Variants in MAD1L1 observed in about 807,000 individuals in gnomAD.
MAD1L1 encodes the protein mitotic arrest deficient 1 like 1, also known as mitotic spindle assembly checkpoint protein MAD1.
MAD1L1 carries 95 observed loss-of-function variants against 96.9 expected under a neutral mutation model. That is an observed-to-expected ratio of 0.98 (90% CI 0.83 to 1.16). The LOEUF is 1.16. Among genes scored for constraint, MAD1L1 ranks in the 50% most tolerant of loss-of-function variants. The probability of loss-of-function intolerance (pLI) is 0.00; values close to 1 mark genes in which losing one functional copy is unlikely to be tolerated. For missense variants in MAD1L1, 1,007 were observed against 954.4 expected (o/e 1.06, Z -0.73); for synonymous variants, 473 against 396.6 (o/e 1.19, Z -2.29).
In MAD1L1 at chr7:1,890,842, C is replaced by A. The variant is rs552617109; in HGVS notation, c.1998+7358G>T. The stretch of plus-strand genomic sequence containing the variant: ...GGCCAACCTGCTGTGGTAGAGGAGT[C>A]TGGACCCTGTCTGACGCCCATGTTC... On this transcript the variant is annotated intron_variant, in intron 18 of 18. Coordinates refer to ENST00000265854, the MANE Select transcript of MAD1L1 (RefSeq NM_001013836.2). Among the ~76,000 whole-genome samples the A allele has an allele frequency of 9.8e-5, 15 of 152,360 alleles. 1 individual carries two copies. The highest frequency in any genetic ancestry group is 9.1e-4 in the Admixed American group (14 of 15,306).
At chr7:2,097,143 C>T (rs1786534390) in intron 11 of MAD1L1, among the ~76,000 whole-genome samples, 1 of 152,092 alleles carries the variant, frequency 6.6e-6, no homozygotes, top group African/African-American at 2.4e-5. Context: ...GGCACCCAGG[C>T]ACAGGCTCAC....
intron 16 of MAD1L1, chr7:1,940,457 C>A (rs1265445228): frequency 6.6e-6 from 1 of 152,296 alleles, no homozygotes; most frequent in East Asian, 1.9e-4. Flanking sequence ...CACCCACACG[C>A]ACTCAGGAGA....
intron 18 of MAD1L1, among the ~76,000 whole-genome samples, chr7:1,888,738 G>C (rs1307060879): frequency 6.7e-6 from 1 of 150,272 alleles, no homozygotes; most frequent in Non-Finnish European, 1.5e-5. Flanking sequence ...GCTGTGCATG[G>C]GTGGGCATGT....
At chr7:2,144,271 G>A (rs928938839) in intron 11 of MAD1L1, among the ~76,000 whole-genome samples, 1 of 152,214 alleles carries the variant, frequency 6.6e-6, no homozygotes, top group Non-Finnish European at 1.5e-5. Context: ...ACAGCGCAGC[G>A]CATGGTGAGG....
intron 18 of MAD1L1, among the ~76,000 whole-genome samples, chr7:1,868,755 C>T (rs1023119378): frequency 1.1e-4 from 16 of 152,208 alleles, no homozygotes; most frequent in African/African-American, 3.9e-4. Flanking sequence ...AAGGGGCCAA[C>T]AGGACGCAGT....
intron 18 of MAD1L1, chr7:1,849,722 G>C (rs1783858766): frequency 6.6e-6 from 1 of 152,204 alleles, no homozygotes; most frequent in Non-Finnish European, 1.5e-5. Flanking sequence ...GCCCCCTGGG[G>C]TACAGGGGAG....
chr7:1,980,389 G>A (rs1780841266), intron 15 of MAD1L1, 64 bp downstream of exon 15: 1 of 1,405,072 alleles, frequency 7.1e-7, no homozygotes, highest in Admixed American at 2.0e-5. Flanking sequence ...ACACACCTGG[G>A]CGTATCCGCC....
At position 2,152,370 on chromosome 7, in the gene MAD1L1, G is replaced by A. The variant is rs1789620896; in HGVS notation, c.987-3132C>T. On this transcript the variant is annotated intron_variant, in intron 10 of 18. Transcript: ENST00000265854. ...CTCCCACGGGCAGAAGCCGCTGGAG[G>A]GCACAGGGGCACCAGAAGGAATCCC... Among the ~76,000 whole-genome samples the A allele has an allele frequency of 1.3e-5, 2 of 151,880 alleles. 1 individual carries two copies. The highest frequency in any genetic ancestry group is 4.1e-4 in the South Asian group (2 of 4,830).
intron 18 of MAD1L1, among the ~76,000 whole-genome samples, chr7:1,896,688 C>A (rs1786895244): frequency 6.6e-6 from 1 of 152,218 alleles, no homozygotes; most frequent in Admixed American, 6.5e-5. Flanking sequence ...GGATTTTCGA[C>A]ACTCTCAACA....
chr7:1,865,181 C>A (rs934798368), intron 18 of MAD1L1, among the ~76,000 whole-genome samples: 8 of 152,210 alleles, frequency 5.3e-5, no homozygotes, highest in Non-Finnish European at 8.8e-5. Context: ...CGTGCACAAG[C>A]ACCCACCCTA....
At chr7:1,945,804 G>T (rs1310416757) in intron 16 of MAD1L1, among the ~76,000 whole-genome samples, 3 of 152,222 alleles carry the variant, frequency 2.0e-5, no homozygotes, top group Non-Finnish European at 4.4e-5. Context: ...GTGGCTGGGG[G>T]CCCCAAGGGA....
At chr7:1,861,342 T>G (rs568830779) in intron 18 of MAD1L1, among the ~76,000 whole-genome samples, 1 of 152,294 alleles carries the variant, frequency 6.6e-6, no homozygotes, top group African/African-American at 2.4e-5. Context: ...ACAACGGGGC[T>G]GAGGTGGGGA....
At chr7:2,096,048 G>A (rs546276888) in intron 11 of MAD1L1, among the ~76,000 whole-genome samples, 6 of 152,378 alleles carry the variant, frequency 3.9e-5, no homozygotes, top group African/African-American at 2.4e-5. Context: ...ACTCAGTCAC[G>A]TAATGACAGC....
At chr7:1,986,684 G>A (rs972948423) in intron 14 of MAD1L1, among the ~76,000 whole-genome samples, 2 of 152,172 alleles carry the variant, frequency 1.3e-5, no homozygotes, top group Non-Finnish European at 2.9e-5. Context: ...GGCTTGGTTT[G>A]CAGCTGCATT....
intron 10 of MAD1L1, among the ~76,000 whole-genome samples, chr7:2,159,336 C>G (rs1789988543): frequency 6.6e-6 from 1 of 152,226 alleles, no homozygotes; most frequent in Non-Finnish European, 1.5e-5. Context: ...ACCTCAGGTC[C>G]TCTGCACAGC....
chr7:1,859,028 G>A (rs888477989), intron 18 of MAD1L1, among the ~76,000 whole-genome samples: 1 of 151,934 alleles, frequency 6.6e-6, no homozygotes, highest in Non-Finnish European at 1.5e-5. Context: ...TGGGAGAGGT[G>A]GAGGGATGGA....
At chr7:1,978,864 C>T (rs1178934293) in intron 15 of MAD1L1, among the ~76,000 whole-genome samples, 2 of 152,232 alleles carry the variant, frequency 1.3e-5, no homozygotes, top group African/African-American at 4.8e-5. Flanking sequence ...ACGGCACACA[C>T]TCAGTATCTG....
At chr7:1,895,999 G>A (rs1480241039) in intron 18 of MAD1L1, among the ~76,000 whole-genome samples, 1 of 152,232 alleles carries the variant, frequency 6.6e-6, no homozygotes. Flanking sequence ...GAGCTGCGGG[G>A]CCCAGGCCAG....
chr7:2,153,358 T>C (rs965471284), intron 10 of MAD1L1, among the ~76,000 whole-genome samples: 14 of 152,026 alleles, frequency 9.2e-5, no homozygotes, highest in Admixed American at 9.2e-4. Flanking sequence ...AAAACATAAA[T>C]AATCCCACGA....
Sources: gnomAD v4.1 joint callset for allele counts (sites outside exome capture counted in the v4.1 genomes callset) on GRCh38, gnomAD v4.1.1 for gene constraint, MANE v1.5 for transcripts, NCBI Gene and HGNC (gene_info 2026-07-23, HGNC 2026-07-21) for gene names.